CDK14: variants seen among roughly 807,000 people sequenced by gnomAD.
The protein encoded by CDK14 is cyclin-dependent kinase 14.
A neutral mutation model predicts 60.7 loss-of-function variants in CDK14; 34 were observed. The observed-to-expected ratio is 0.56, with a 90% CI of 0.43 to 0.75. CDK14 has a LOEUF of 0.75. Ranked by LOEUF, CDK14 falls within the 30% of genes least tolerant of loss-of-function variation. The pLI, the probability that CDK14 is intolerant of heterozygous loss-of-function variation, is 0.00. For missense variants in CDK14, 482 were observed against 564.1 expected, an observed-to-expected ratio of 0.85 and a Z score of 1.47; for synonymous variants, 197 against 203.7, an observed-to-expected ratio of 0.97 and a Z score of 0.28.
chr7:90,769,200 A>C (rs961524670), intron 4 of CDK14, among the ~76,000 whole-genome samples: 9 of 152,192 alleles, frequency 5.9e-5, no homozygotes, highest in Non-Finnish European at 5.9e-5. Flanking sequence ...GCTATTATGG[A>C]AGGATGACTA....
At chr7:90,941,915 C>T (rs1793949047) in intron 8 of CDK14, among the ~76,000 whole-genome samples, 1 of 152,252 alleles carries the variant, frequency 6.6e-6, no homozygotes, top group African/African-American at 2.4e-5. Context: ...GTGTCTTCCA[C>T]TGCAGTGGCT....
chr7:90,629,055 G>A (rs900899118), intron 2 of CDK14, among the ~76,000 whole-genome samples: 1 of 152,000 alleles, frequency 6.6e-6, no homozygotes, highest in Non-Finnish European at 1.5e-5. Context: ...TTTCCACCAA[G>A]CTAAAAGTAC....
chr7:91,091,464 AAT>A (rs573749988), intron 12 of CDK14, among the ~76,000 whole-genome samples: 4,571 of 128,952 alleles, frequency 0.035, 189 homozygotes, highest in Middle Eastern at 0.085. Flanking sequence ...ATTTATATAT[AAT>A]ATATATACAT....
chr7:90,819,959 AT>A (rs1252470854), intron 5 of CDK14, among the ~76,000 whole-genome samples: 1 of 152,114 alleles, frequency 6.6e-6, no homozygotes, highest in East Asian at 1.9e-4. Context: ...TCATTTTGTC[AT>A]TTGACACCAT....
At chr7:90,884,617 G>A (rs937108137) in intron 6 of CDK14, among the ~76,000 whole-genome samples, 2 of 151,978 alleles carry the variant, frequency 1.3e-5, no homozygotes, top group Non-Finnish European at 2.9e-5. Flanking sequence ...AAGAACACCC[G>A]TTTAGCCAGG....
At chr7:90,759,693 AG>A (rs971875053) in intron 4 of CDK14, among the ~76,000 whole-genome samples, 3 of 152,202 alleles carry the variant, frequency 2.0e-5, no homozygotes, top group Non-Finnish European at 2.9e-5. Flanking sequence ...TCCCTGGGGC[AG>A]GGTCCTCTCC....
chr7:91,024,693 A>T (rs989816013), intron 10 of CDK14, among the ~76,000 whole-genome samples: 5 of 152,202 alleles, frequency 3.3e-5, no homozygotes, highest in Non-Finnish European at 7.3e-5. Context: ...ATGCAGATAG[A>T]TTGATTTCGG....
In CDK14 at chr7:90,808,821, T is replaced by C. The variant is rs528280238; in HGVS notation, c.544+18169T>C. On this transcript the variant is annotated intron_variant, in intron 5 of 14. Coordinates refer to ENST00000380050, the MANE Select transcript of CDK14 (RefSeq NM_001287135.2). ...AAAAAGGCAGGGGTTGCAATCCTAG[T>C]CTGTGATAAGACAGACTTTAAACCA... is the stretch of plus-strand genomic sequence containing the variant. Among the ~76,000 whole-genome samples the C allele has an allele frequency of 6.6e-5, 10 of 152,260 alleles. No individual in the cohort carries two copies. The South Asian group carries it at 8.3e-4, about 13-fold the overall frequency.
chr7:90,864,768 C>G (rs931295528), intron 6 of CDK14, among the ~76,000 whole-genome samples: 3 of 151,996 alleles, frequency 2.0e-5, no homozygotes, highest in Admixed American at 1.3e-4. Context: ...AATTCACTAC[C>G]CTGCATTATT....
At chr7:91,039,036 G>GCA (rs1241266251) in intron 10 of CDK14, among the ~76,000 whole-genome samples, 1 of 152,008 alleles carries the variant, frequency 6.6e-6, no homozygotes, top group South Asian at 2.1e-4. Flanking sequence ...CTTAGAGTTG[G>GCA]CACACACACA....
intron 14 of CDK14, among the ~76,000 whole-genome samples, chr7:91,127,806 A>G (rs1274430539): frequency 6.6e-6 from 1 of 152,214 alleles, no homozygotes; most frequent in African/African-American, 2.4e-5. Flanking sequence ...TTGCTGTTAT[A>G]GAGGAAATTA....
intron 1 of CDK14, 75 bp downstream of exon 1, chr7:90,596,793 C>T: frequency 3.2e-6 from 4 of 1,234,244 alleles, no homozygotes; most frequent in Non-Finnish European, 4.7e-6. Flanking sequence ...TTCCTGGCAC[C>T]AGCCATGCAG....
intron 5 of CDK14, among the ~76,000 whole-genome samples, chr7:90,792,922 C>G (rs1805893225): frequency 6.6e-6 from 1 of 152,182 alleles, no homozygotes; most frequent in African/African-American, 2.4e-5. Context: ...AATGCTCTTC[C>G]CTGGCTCTTT....
At chr7:91,201,713 C>T (rs1426542531) in intron 14 of CDK14, among the ~76,000 whole-genome samples, 1 of 152,106 alleles carries the variant, frequency 6.6e-6, no homozygotes, top group African/African-American at 2.4e-5. Flanking sequence ...TATGTACACA[C>T]AGAGATTTAA....
intron 6 of CDK14, among the ~76,000 whole-genome samples, chr7:90,876,709 A>T (rs1236151224): frequency 6.6e-6 from 1 of 152,250 alleles, no homozygotes; most frequent in Admixed American, 6.5e-5. Flanking sequence ...AGGTAGATCC[A>T]TATGTTCTAT....
rs563972710 is a variant in CDK14, at chr7:91,139,654, C to T, written c.*28+21446C>T. 3.3e-5 allele frequency among the ~76,000 whole-genome samples: 5 copies of T among 152,316 alleles called. No individual in the cohort carries two copies. The East Asian group carries it at 9.6e-4, about 29-fold the overall frequency. ...CCAAAAGTTTGAATGAATGATTTCCCATGTTCCTTGGTATTTTTAGAGCTA... is the reference window on the plus strand; with the variant it reads ...CCAAAAGTTTGAATGAATGATTTCCTATGTTCCTTGGTATTTTTAGAGCTA... On this transcript the variant is annotated intron_variant, in intron 14 of 14. Transcript: ENST00000380050.
rs1426459401 is a variant in CDK14 at position 91,210,449 on chromosome 7, G to A, written c.*3313G>A. ...CTATTATACTTTCAAATGACACATA[G>A]TAAGGAGAATGGAATAATACATGTT... On this transcript the variant is annotated 3_prime_UTR_variant, in exon 15 of 15. Coordinates refer to ENST00000380050, the MANE Select transcript of CDK14 (RefSeq NM_001287135.2). 1 of 152,462 alleles carries A rather than the reference G, an allele frequency of 6.6e-6. No homozygotes were observed. Among genetic ancestry groups the A allele is most frequent in the Non-Finnish European group, 1.5e-5 (1 of 68,040 alleles). The allele number at this position is 152,462 out of a possible 1,614,324, so 9.4% of individuals were successfully genotyped here.
intron 12 of CDK14, among the ~76,000 whole-genome samples, chr7:91,105,402 G>A (rs565336570): frequency 6.6e-6 from 1 of 152,172 alleles, no homozygotes; most frequent in Non-Finnish European, 1.5e-5. Context: ...AAGACCACAA[G>A]AACAATTGTT....
intron 10 of CDK14, among the ~76,000 whole-genome samples, chr7:91,035,258 G>T (rs1796888533): frequency 6.6e-6 from 1 of 152,122 alleles, no homozygotes; most frequent in Non-Finnish European, 1.5e-5. Context: ...TATTACCTCA[G>T]GATTAAACTA....
Sources: allele counts gnomAD v4.1 joint callset (sites outside exome capture counted in the v4.1 genomes callset), GRCh38; gene constraint gnomAD v4.1.1; transcripts MANE v1.5; gene names NCBI Gene and HGNC (gene_info 2026-07-23, HGNC 2026-07-21).